P4HA1: variants seen among roughly 807,000 people sequenced by gnomAD.
P4HA1 encodes the protein prolyl 4-hydroxylase subunit alpha-1.
A neutral mutation model predicts 72.8 loss-of-function variants in P4HA1; 24 were observed. The ratio of observed to expected loss-of-function variants is 0.33; its 90% CI spans 0.24 to 0.46. The LOEUF is 0.46. Ranked by LOEUF, P4HA1 falls within the 20% of genes least tolerant of loss-of-function variation. The pLI is 1.00. For missense variants in P4HA1, 446 were observed against 640.6 expected, an observed-to-expected ratio of 0.70 and a Z score of 3.28; for synonymous variants, 201 against 218.8, an observed-to-expected ratio of 0.92 and a Z score of 0.72.
chr10:73,055,893 G>C (rs750562462), intron 5 of P4HA1, among the ~76,000 whole-genome samples: 6 of 152,170 alleles, frequency 3.9e-5, no homozygotes, highest in Admixed American at 6.5e-5. Context: ...CTAAAATAGA[G>C]GTTAACTAAT....
At chr10:73,030,149 G>A (rs1840401524) in intron 10 of P4HA1, 122 bp downstream of exon 10, 1 of 442,384 alleles carries the variant, frequency 2.3e-6, no homozygotes, top group African/African-American at 2.0e-5. Context: ...CAGCTTACAG[G>A]GTCACTTTTT....
At chr10:73,060,743 G>A (rs1468910472) in intron 5 of P4HA1, among the ~76,000 whole-genome samples, 3 of 152,082 alleles carry the variant, frequency 2.0e-5, no homozygotes, top group African/African-American at 7.2e-5. Flanking sequence ...CCTATCTAAA[G>A]ATGCTCCCCA....
intron 5 of P4HA1, among the ~76,000 whole-genome samples, chr10:73,061,985 C>A (rs1841324157): frequency 6.6e-6 from 1 of 152,160 alleles, no homozygotes; most frequent in South Asian, 2.1e-4. Flanking sequence ...TGCCAATGCA[C>A]TCCAGCCTGG....
intron 5 of P4HA1, among the ~76,000 whole-genome samples, chr10:73,054,044 G>A (rs1278735726): frequency 1.3e-5 from 2 of 152,030 alleles, no homozygotes; most frequent in African/African-American, 4.8e-5. Context: ...AGCCTCCTGA[G>A]TAGCTGGGAT....
chr10:73,076,143 C>T (rs1017184068), intron 1 of P4HA1, among the ~76,000 whole-genome samples: 7 of 152,042 alleles, frequency 4.6e-5, no homozygotes, highest in African/African-American at 1.7e-4. Flanking sequence ...TGTGAAAGTA[C>T]TAAAAACCAT....
At chr10:73,044,645 G>T (rs904251594) in intron 9 of P4HA1, among the ~76,000 whole-genome samples, 1 of 152,124 alleles carries the variant, frequency 6.6e-6, no homozygotes, top group Non-Finnish European at 1.5e-5. Context: ...GATTCAGGAG[G>T]CTGCTGCTTT....
intron 12 of P4HA1, among the ~76,000 whole-genome samples, chr10:73,013,350 T>A (rs1392016257): frequency 2.0e-5 from 3 of 152,184 alleles, no homozygotes; most frequent in Non-Finnish European, 4.4e-5. Context: ...TTTTGCATTG[T>A]TCTTTTGGGA....
intron 5 of P4HA1, chr10:73,065,476 T>C (rs949242088): frequency 6.6e-6 from 1 of 152,144 alleles, no homozygotes; most frequent in Non-Finnish European, 1.5e-5. Context: ...CAATATAAAT[T>C]CACTAAGCAT....
chr10:73,043,943 T>A, intron 9 of P4HA1: 1 of 1,612,500 alleles, frequency 6.2e-7, no homozygotes, highest in Non-Finnish European at 8.5e-7. Context: ...GGTCATGTAC[T>A]GTAGCTCGGC....
intron 5 of P4HA1, among the ~76,000 whole-genome samples, chr10:73,068,212 G>C (rs79283143): frequency 0.16 from 24,134 of 152,136 alleles, 3,159 homozygotes; most frequent in African/African-American, 0.34. Context: ...ACTCATCCCA[G>C]TGATTTTTTC....
At chr10:73,076,670 C>G (rs1185735390) in intron 1 of P4HA1, among the ~76,000 whole-genome samples, 1 of 152,100 alleles carries the variant, frequency 6.6e-6, no homozygotes, top group Non-Finnish European at 1.5e-5. Flanking sequence ...TCCCAGATGC[C>G]CTGCTAGCAC....
In P4HA1 at chr10:73,045,018, C is replaced by CT; in HGVS notation, c.1110dup (p.Gly371ArgfsTer11). 1.2e-6 allele frequency: 2 copies of CT among 1,613,540 alleles called. No individual in the cohort carries two copies. Among genetic ancestry groups the CT allele is most frequent in the Non-Finnish European group, 1.7e-6 (2 of 1,179,638 alleles). ...CTGTAATGTACCGTCTCCAAGTCTC[C>CT]TGTTATTGGGTTTGAAATGGTGGCT... On this transcript the variant is annotated frameshift_variant, in exon 9 of 15. Coordinates refer to ENST00000394890, the MANE Select transcript of P4HA1 (RefSeq NM_001017962.3). LOFTEE classifies it high-confidence loss of function.
intron 1 of P4HA1, among the ~76,000 whole-genome samples, chr10:73,084,523 C>A (rs1764483359): frequency 1.3e-5 from 2 of 152,082 alleles, no homozygotes; most frequent in African/African-American, 4.8e-5. Context: ...AGGCTAGTCT[C>A]CAACTCCACC....
rs1840259136 is a variant in P4HA1, at chr10:73,026,074, A to G, written c.1248+4197T>C. ...CAATGCCATCCCCATCAAGCTACCA[A>G]TGACTTTCTTCACAGAATTGGAAAA... On this transcript the variant is annotated intron_variant, in intron 10 of 14. Transcript: ENST00000394890. Among the ~76,000 whole-genome samples, 3 of 152,308 alleles carry G rather than the reference A, an allele frequency of 2.0e-5. No individual in the cohort carries two copies. In the South Asian group the frequency reaches 6.2e-4, roughly 32 times the overall value.
intron 5 of P4HA1, chr10:73,065,246 CATG>C (rs1170477564): frequency 1.3e-5 from 2 of 151,930 alleles, no homozygotes; most frequent in African/African-American, 4.8e-5. Flanking sequence ...TAAAAAAAAG[CATG>C]ATATCTTTGG....
At chr10:73,038,887 A>C (rs1481477143) in intron 9 of P4HA1, among the ~76,000 whole-genome samples, 1 of 151,284 alleles carries the variant, frequency 6.6e-6, no homozygotes, top group Non-Finnish European at 1.5e-5. Flanking sequence ...CGGCCTCCCA[A>C]AGTGCTGGGA....
At chr10:73,013,238 C>T (rs185879696) in intron 12 of P4HA1, among the ~76,000 whole-genome samples, 161 of 152,282 alleles carry the variant, frequency 1.1e-3, no homozygotes, top group Non-Finnish European at 1.8e-4. Flanking sequence ...GGTCTGTGTG[C>T]CCTCTCCTTG....
intron 10 of P4HA1, among the ~76,000 whole-genome samples, chr10:73,020,410 TAAAAACAA>T (rs934861742): frequency 1.3e-4 from 20 of 151,864 alleles, no homozygotes; most frequent in African/African-American, 4.3e-4. Context: ...CAATTTTAAT[TAAAAACAA>T]AAAAACAAAA....
chr10:73,010,006 T>C, intron 13 of P4HA1, 103 bp from the exon 14 acceptor site: 1 of 638,086 alleles, frequency 1.6e-6, no homozygotes, highest in Non-Finnish European at 2.8e-6. Flanking sequence ...TCTTGCTCTA[T>C]CGCCCAGGCT....
Sources: gnomAD v4.1 joint callset for allele counts (sites outside exome capture counted in the v4.1 genomes callset) on GRCh38, gnomAD v4.1.1 for gene constraint, MANE v1.5 for transcripts, NCBI Gene and HGNC (gene_info 2026-07-23, HGNC 2026-07-21) for gene names.